RAP1A: variants seen among roughly 807,000 people sequenced by gnomAD.
RAP1A encodes RAP1A, member of RAS oncogene family.
RAP1A carries 6 observed loss-of-function variants against 26.4 expected under a neutral mutation model. That is an observed-to-expected ratio of 0.23 (90% CI 0.12 to 0.45). The LOEUF (loss-of-function observed/expected upper bound fraction) is 0.45. Among genes scored for constraint, RAP1A ranks in the 20% least tolerant of loss-of-function variants. RAP1A has a pLI of 0.99. For missense variants in RAP1A, 121 were observed against 217.2 expected (o/e 0.56, Z 2.78); for synonymous variants, 73 against 79.4 (o/e 0.92, Z 0.43).
chr1:111,581,708 A>C (rs1658261193), intron 1 of RAP1A, among the ~76,000 whole-genome samples: 1 of 152,220 alleles, frequency 6.6e-6, no homozygotes, highest in Non-Finnish European at 1.5e-5. Flanking sequence ...AAAATTGAAT[A>C]CTATGTAGGT....
intron 1 of RAP1A, among the ~76,000 whole-genome samples, chr1:111,630,966 C>T (rs1428187158): frequency 1.3e-5 from 2 of 152,072 alleles, no homozygotes; most frequent in African/African-American, 4.8e-5. Context: ...TCACTAATTC[C>T]TGGTCCATAA....
At chr1:111,621,005 A>G (rs1255814095) in intron 1 of RAP1A, among the ~76,000 whole-genome samples, 1 of 152,162 alleles carries the variant, frequency 6.6e-6, no homozygotes, top group African/African-American at 2.4e-5. Context: ...AGGGAAAATC[A>G]TTTTGTTACT....
At chr1:111,704,614 T>A in intron 6 of RAP1A, 128 bp downstream of exon 6, 3 of 986,796 alleles carry the variant, frequency 3.0e-6, no homozygotes, top group Non-Finnish European at 2.8e-6. Flanking sequence ...TAGGAAACAC[T>A]AAGTAATTCC....
Position 111,640,451 on chromosome 1 carries a change from A to C in RAP1A, c.-28+20517A>C, listed in dbSNP as rs180796743. 2.5e-3 allele frequency among the ~76,000 whole-genome samples: 378 copies of C among 152,318 alleles called. 1 individual carries two copies. The highest frequency in any genetic ancestry group is 4.4e-3 in the Non-Finnish European group (300 of 68,002). The stretch of plus-strand genomic sequence containing the variant: ...TAATTAATAATAGCCATCTGATAGC[A>C]GGGATTCTTTAATAGATTTGTTAGA... On this transcript the variant is annotated intron_variant, in intron 1 of 7. Transcript: ENST00000369709.
chr1:111,587,227 A>C (rs1168660577), intron 1 of RAP1A, among the ~76,000 whole-genome samples: 1 of 152,136 alleles, frequency 6.6e-6, no homozygotes, highest in Non-Finnish European at 1.5e-5. Flanking sequence ...GCTGCTGCTA[A>C]CCTGTTCCTT....
At chr1:111,656,329 G>A (rs988048835) in intron 1 of RAP1A, among the ~76,000 whole-genome samples, 10 of 152,220 alleles carry the variant, frequency 6.6e-5, no homozygotes, top group African/African-American at 2.4e-4. Context: ...GTTCATTCTG[G>A]ACAAATACTT....
At chr1:111,612,554 C>CA (rs1334556881) in intron 1 of RAP1A, among the ~76,000 whole-genome samples, 1 of 152,218 alleles carries the variant, frequency 6.6e-6, no homozygotes, top group Non-Finnish European at 1.5e-5. Context: ...TACCTTCTTT[C>CA]ACCACTCGGA....
intron 1 of RAP1A, among the ~76,000 whole-genome samples, chr1:111,665,641 A>G (rs924148152): frequency 1.3e-5 from 2 of 152,208 alleles, no homozygotes; most frequent in Non-Finnish European, 2.9e-5. Context: ...ACTTAGTCAA[A>G]CATTTACTGG....
intron 3 of RAP1A, among the ~76,000 whole-genome samples, chr1:111,696,546 A>T (rs1273172554): frequency 6.6e-6 from 1 of 152,204 alleles, no homozygotes; most frequent in Non-Finnish European, 1.5e-5. Flanking sequence ...GCCCCTCATC[A>T]ATGTCTGATC....
rs147771787 is a variant in RAP1A, at chr1:111,709,232, C to G, written c.552C>G (p.Leu184=). The G allele has an allele frequency of 2.5e-6, 4 of 1,610,676 alleles. No homozygotes were observed. Among genetic ancestry groups the G allele is most frequent in the Non-Finnish European group, 3.4e-6 (4 of 1,179,062 alleles). ...CTAAAAAGAAATCATGTCTGCTGCT[C>G]TAGGCCCATAGTCAGCAGCAGCTCT... ...KKPKKKSCLL[L] The change falls in exon 7 of 8, where the codon CTC becomes CTG. Residue 184 remains leucine (L), a synonymous_variant. Coordinates refer to ENST00000369709, the MANE Select transcript of RAP1A (RefSeq NM_002884.4).
chr1:111,620,201 G>A (rs1280356133), intron 1 of RAP1A, among the ~76,000 whole-genome samples: 1 of 152,220 alleles, frequency 6.6e-6, no homozygotes, highest in Non-Finnish European at 1.5e-5. Context: ...AGACCGTCGG[G>A]AGGGGCCCCG....
At chr1:111,649,318 C>G (rs1660183739) in intron 1 of RAP1A, 1 of 427,722 alleles carries the variant, frequency 2.3e-6, no homozygotes, top group African/African-American at 2.0e-5. Flanking sequence ...GGCATTGAGG[C>G]GTTGCATGGT....
At chr1:111,595,182 T>A (rs1658543959) in intron 1 of RAP1A, among the ~76,000 whole-genome samples, 1 of 152,226 alleles carries the variant, frequency 6.6e-6, no homozygotes, top group African/African-American at 2.4e-5. Context: ...AAGTCTTGAT[T>A]TAATTAATGT....
At chr1:111,647,085 G>GT (rs1365372147) in intron 1 of RAP1A, among the ~76,000 whole-genome samples, 4 of 152,214 alleles carry the variant, frequency 2.6e-5, no homozygotes, top group African/African-American at 9.6e-5. Context: ...TCCATGGCCT[G>GT]TTAGGAACCA....
intron 1 of RAP1A, among the ~76,000 whole-genome samples, chr1:111,565,384 T>C (rs778420216): frequency 2.0e-5 from 3 of 152,194 alleles, no homozygotes; most frequent in Non-Finnish European, 4.4e-5. Flanking sequence ...CAGAGATGAA[T>C]AAGACAAAGG....
intron 2 of RAP1A, among the ~76,000 whole-genome samples, chr1:111,694,466 C>T (rs1435837483): frequency 6.6e-6 from 1 of 152,190 alleles, no homozygotes; most frequent in African/African-American, 2.4e-5. Flanking sequence ...GTACCAGACC[C>T]TGTTTTAAAG....
upstream of RAP1A, chr1:111,542,209 G>T: frequency 1.8e-6 from 1 of 559,388 alleles, no homozygotes; most frequent in South Asian, 1.4e-5. Context: ...CCAGCTTAAT[G>T]AAACAGACAT....
In RAP1A at chr1:111,619,872, G is replaced by A. The variant is rs954448506; in HGVS notation, c.-90G>A. ...GGAGCAGGAGCCACGGCCGAGAGGA[G>A]GGAGGAGGAGGAGGAGGAGGTGGAG... On this transcript the variant is annotated 5_prime_UTR_variant, in exon 1 of 8. Transcript: ENST00000369709. 6 of 396,374 alleles carry A rather than the reference G, an allele frequency of 1.5e-5. No homozygotes were observed. The South Asian group carries it at 3.8e-4, about 25-fold the overall frequency. 24.6% of individuals were successfully genotyped at this position (396,374 alleles called of 1,614,324 possible). A position where few individuals can be genotyped will look rare whatever the true frequency, so the allele number is the denominator to read the frequency against.
chr1:111,695,555 C>T, intron 3 of RAP1A, 146 bp downstream of exon 3: 1 of 531,086 alleles, frequency 1.9e-6, no homozygotes, highest in East Asian at 3.8e-5. Context: ...CAAGACAGAA[C>T]ATTTCTTAAC....
Sources: gnomAD v4.1 joint callset for allele counts (sites outside exome capture counted in the v4.1 genomes callset) on GRCh38, gnomAD v4.1.1 for gene constraint, MANE v1.5 for transcripts, NCBI Gene and HGNC (gene_info 2026-07-23, HGNC 2026-07-21) for gene names.